Variants in PRKG2 observed in about 807,000 individuals in gnomAD.
The protein encoded by PRKG2 is protein kinase cGMP-dependent 2.
In PRKG2, 33 loss-of-function variants were observed where a neutral mutation model predicts 97.2. The ratio of observed to expected loss-of-function variants is 0.34; its 90% CI spans 0.26 to 0.45. PRKG2 has a LOEUF of 0.45. PRKG2 is among the 20% of genes least tolerant of loss of function. PRKG2 has a pLI of 1.00. For missense variants in PRKG2, 638 were observed against 900.0 expected (o/e 0.71, Z 3.73); for synonymous variants, 330 against 321.8 (o/e 1.03, Z -0.27).
intron 6 of PRKG2, among the ~76,000 whole-genome samples, chr4:81,164,418 T>G (rs372837137): frequency 6.8e-4 from 104 of 152,036 alleles, no homozygotes; most frequent in South Asian, 2.3e-3. Context: ...TCAACTTTCT[T>G]ATGGCTCTGG....
At chr4:81,188,058 A>G (rs1305279733) in intron 2 of PRKG2, among the ~76,000 whole-genome samples, 1 of 152,222 alleles carries the variant, frequency 6.6e-6, no homozygotes, top group Non-Finnish European at 1.5e-5. Context: ...TGCATAGCAA[A>G]AGAAACTACC....
chr4:81,154,586 C>G (rs549638182), intron 6 of PRKG2, among the ~76,000 whole-genome samples: 1 of 147,764 alleles, frequency 6.8e-6, no homozygotes, highest in African/African-American at 2.7e-5. Context: ...AACTAACAAA[C>G]AGAAAGGACA....
intron 14 of PRKG2, among the ~76,000 whole-genome samples, chr4:81,113,251 G>C (rs1744160528): frequency 6.6e-6 from 1 of 151,860 alleles, no homozygotes. Context: ...TAACAGAAGG[G>C]GTATGGCATG....
Position 81,088,633 on chromosome 4 carries a change from TAAC to T in PRKG2, c.*1072_*1074del, listed in dbSNP as rs1429418483. 2 of 152,156 alleles carry T rather than the reference TAAC, an allele frequency of 1.3e-5. No individual in the cohort carries two copies. Among genetic ancestry groups the T allele is most frequent in the African/African-American group, 4.8e-5 (2 of 41,452 alleles). 9.4% of individuals were successfully genotyped at this position (152,156 alleles called of 1,614,324 possible). ...CACTTTTCTGGTGGCTTGCCTGTCT[TAAC>T]AATCTAAATTTATAAACACATCCAT... On this transcript the variant is annotated 3_prime_UTR_variant, in exon 19 of 19. Transcript: ENST00000264399.
Position 81,204,926 on chromosome 4 carries a change from T to C in PRKG2, c.122A>G (p.Asp41Gly). 6.2e-7 allele frequency: 1 copy of C among 1,614,174 alleles called. No homozygotes were observed. Among genetic ancestry groups the C allele is most frequent in the African/African-American group, 1.3e-5 (1 of 75,048 alleles). Residue 41 changes from aspartate to glycine, a missense_variant, in exon 2 of 19, where the codon GAT becomes GGT. Transcript: ENST00000264399. ...GTACTCCCGCTCCTGGATCTCAGCA[T>C]CCTTCCTCCTCAACTCTCTCTCCAG... ...TELERELRRK[D>G]AEIQEREYHL... is the part of the protein sequence containing the mutation.
chr4:81,141,670 T>G (rs1747304255), intron 11 of PRKG2, among the ~76,000 whole-genome samples: 1 of 152,240 alleles, frequency 6.6e-6, no homozygotes, highest in South Asian at 2.1e-4. Flanking sequence ...ATGTTTGCCA[T>G]TAGTGCTGCC....
intron 12 of PRKG2, among the ~76,000 whole-genome samples, chr4:81,138,634 T>C (rs183422005): frequency 3.3e-5 from 5 of 152,300 alleles, no homozygotes; most frequent in African/African-American, 7.2e-5. Flanking sequence ...TATCTATACA[T>C]ATAGATATAG....
At chr4:81,146,098 T>C (rs995269472) in intron 9 of PRKG2, among the ~76,000 whole-genome samples, 1 of 152,204 alleles carries the variant, frequency 6.6e-6, no homozygotes, top group Non-Finnish European at 1.5e-5. Context: ...TAATCTCCAA[T>C]AGTTGAAATT....
At chr4:81,173,456 A>C (rs1750662764) in intron 3 of PRKG2, among the ~76,000 whole-genome samples, 1 of 152,096 alleles carries the variant, frequency 6.6e-6, no homozygotes, top group Admixed American at 6.6e-5. Context: ...TGTTGACTTA[A>C]TGACCTATCT....
rs776712275 is a variant in PRKG2, at chr4:81,142,913, G to A, written c.1288C>T (p.Leu430Phe). The A allele has an allele frequency of 3.1e-6, 5 of 1,613,286 alleles. No homozygotes were observed. The highest frequency in any genetic ancestry group is 3.4e-6 in the Non-Finnish European group (4 of 1,179,444). ...SMSNWKLSKA[L>F]SLEMIQLKEK... ...TTCAGCTGAATCATTTCCAGAGAGA[G>A]TGCTTTGGACAGCTTCCAGTTAGAC... is the stretch of plus-strand genomic sequence containing the variant. Residue 430 changes from leucine to phenylalanine, a missense_variant, in exon 11 of 19, where the codon CTC becomes TTC. Around this residue, in one of 3 missense-constraint regions of PRKG2, gnomAD observed 304 missense variants for 460.5 expected, o/e 0.66. Transcript: ENST00000264399.
At position 81,212,383 on chromosome 4, in the gene PRKG2, C is replaced by T. The variant is rs550413075; in HGVS notation, c.-14+2553G>A. ...TCAGCTATTTGGGGGGCTACATTAA[C>T]AGATAAACAAGCAAACACACAGAAA... On this transcript the variant is annotated intron_variant, in intron 1 of 18. Transcript: ENST00000264399. Among the ~76,000 whole-genome samples the T allele has an allele frequency of 3.6e-5, 5 of 139,782 alleles. No individual in the cohort carries two copies. In the East Asian group the frequency reaches 1.2e-3, roughly 33 times the overall value. The allele number at this position is 139,782 out of a possible 152,430, so 91.7% of individuals were successfully genotyped here.
In PRKG2 at chr4:81,188,201, C is replaced by A. The variant is rs1457310686; in HGVS notation, c.462-13242G>T. On this transcript the variant is annotated intron_variant, in intron 2 of 18. Transcript: ENST00000264399. Reference sequence around the variant, plus strand: ...GAAAAAAACAAACAACCCCATCAAACAGTGGGTGAAGGACATGAACAGACA... The same window carrying A: ...GAAAAAAACAAACAACCCCATCAAAAAGTGGGTGAAGGACATGAACAGACA... Among the ~76,000 whole-genome samples, 888 of 149,382 alleles carry A rather than the reference C, an allele frequency of 5.9e-3. 12 individuals carry two copies. Among genetic ancestry groups the A allele is most frequent in the African/African-American group, 0.021 (830 of 38,900 alleles).
chr4:81,135,130 CTG>C, intron 14 of PRKG2, 23 bp downstream of exon 14: 1 of 1,590,716 alleles, frequency 6.3e-7, no homozygotes, highest in Non-Finnish European at 8.6e-7. Flanking sequence ...TCATATGAGA[CTG>C]TAAGTGAGAA....
rs774116046 is a variant in PRKG2, at chr4:81,089,352, T to C, written c.*356A>G. 4.9e-5 allele frequency: 8 copies of C among 164,458 alleles called. No homozygotes were observed. The highest frequency in any genetic ancestry group is 1.0e-4 in the Non-Finnish European group (8 of 76,492). 10.2% of individuals were successfully genotyped at this position (164,458 alleles called of 1,614,324 possible). On this transcript the variant is annotated 3_prime_UTR_variant, in exon 19 of 19. Transcript: ENST00000264399. ...TTAGTTATTCAAGGGCAAGACCCTT[T>C]TTAAACGTTAGTAGTACTCAAACGA... is the stretch of plus-strand genomic sequence containing the variant.
At chr4:81,213,777 C>A (rs1349576093) in intron 1 of PRKG2, among the ~76,000 whole-genome samples, 1 of 152,116 alleles carries the variant, frequency 6.6e-6, no homozygotes, top group East Asian at 1.9e-4. Flanking sequence ...AACAGCCAGG[C>A]AACATATGCC....
At chr4:81,192,680 T>C (rs72881339) in intron 2 of PRKG2, among the ~76,000 whole-genome samples, 13,241 of 152,140 alleles carry the variant, frequency 0.087, 1,429 homozygotes, top group African/African-American at 0.25. Flanking sequence ...TAATAAATGG[T>C]AGTCATAGTA....
chr4:81,163,487 G>T (rs1749738187), intron 6 of PRKG2, among the ~76,000 whole-genome samples: 1 of 151,980 alleles, frequency 6.6e-6, no homozygotes, highest in African/African-American at 2.4e-5. Flanking sequence ...ACAAGAGCAG[G>T]TACACATATT....
At chr4:81,169,433 C>T (rs992127454) in intron 5 of PRKG2, among the ~76,000 whole-genome samples, 2 of 151,932 alleles carry the variant, frequency 1.3e-5, no homozygotes, top group African/African-American at 4.8e-5. Context: ...TCTATCAATA[C>T]AAGGGCAAAA....
chr4:81,150,893 G>GT (rs1748332260), intron 8 of PRKG2, among the ~76,000 whole-genome samples: 1 of 151,972 alleles, frequency 6.6e-6, no homozygotes, highest in Admixed American at 6.6e-5. Flanking sequence ...ATTGAAACAA[G>GT]TTCATTACCG....
Sources: gnomAD v4.1 joint callset for allele counts (sites outside exome capture counted in the v4.1 genomes callset) on GRCh38, gnomAD v4.1.1 for gene constraint, gnomAD v4.1.1 regional missense constraint, MANE v1.5 for transcripts, NCBI Gene and HGNC (gene_info 2026-07-23, HGNC 2026-07-21) for gene names.